APOL5: variants seen among roughly 807,000 people sequenced by gnomAD.
The protein encoded by APOL5 is apolipoprotein L, 5.
APOL5 carries 29 observed loss-of-function variants against 35.5 expected under a neutral mutation model. That is an observed-to-expected ratio of 0.82 (90% CI 0.61 to 1.11). The LOEUF (loss-of-function observed/expected upper bound fraction) is 1.11. Ranked by LOEUF, APOL5 falls within the 50% of genes most tolerant of loss-of-function variation. The probability of loss-of-function intolerance (pLI) is 0.00; values close to 1 mark genes in which losing one functional copy is unlikely to be tolerated. For missense variants in APOL5, 514 were observed against 530.4 expected (o/e 0.97, Z 0.30); for synonymous variants, 188 against 200.2 (o/e 0.94, Z 0.51).
the APOL5 span, among the ~76,000 whole-genome samples, chr22:35,712,513 T>C: frequency 6.6e-6 from 1 of 152,208 alleles, no homozygotes; most frequent in Non-Finnish European, 1.5e-5. Context: ...CCACCGTACC[T>C]AACCTCGTTG....
chr22:35,723,403 A>T (rs1382886384), intron 2 of APOL5, among the ~76,000 whole-genome samples: 2 of 152,328 alleles, frequency 1.3e-5, no homozygotes, highest in Non-Finnish European at 2.9e-5. Context: ...CCATAAGAAA[A>T]TGGTACTTAA....
chr22:35,714,653 G>C (rs1199790583), upstream of APOL5, among the ~76,000 whole-genome samples: 1 of 152,236 alleles, frequency 6.6e-6, no homozygotes, highest in African/African-American at 2.4e-5. Context: ...TCTAAAACCA[G>C]ACTCCAAGTT....
the APOL5 span, among the ~76,000 whole-genome samples, chr22:35,708,742 A>G: frequency 6.6e-6 from 1 of 152,138 alleles, no homozygotes; most frequent in Non-Finnish European, 1.5e-5. Flanking sequence ...GAGTAGTTAT[A>G]TATTTATAGG....
At chr22:35,711,766 C>A in the APOL5 span, among the ~76,000 whole-genome samples, 1 of 151,666 alleles carries the variant, frequency 6.6e-6, no homozygotes, top group Non-Finnish European at 1.5e-5. Flanking sequence ...ACCTTTGTCT[C>A]CCAGGTTCAG....
intron 1 of APOL5, among the ~76,000 whole-genome samples, chr22:35,719,186 T>C (rs1468224010): frequency 1.3e-5 from 2 of 152,220 alleles, no homozygotes; most frequent in African/African-American, 2.4e-5. Flanking sequence ...AATAGTTATG[T>C]TGCAGGAGAA....
chr22:35,726,970 T>G lies in APOL5; in HGVS notation c.902T>G (p.Phe301Cys), dbSNP rs1009531211. 1 of 1,614,146 alleles carries G rather than the reference T, an allele frequency of 6.2e-7. No homozygotes were observed. Among genetic ancestry groups the G allele is most frequent in the Non-Finnish European group, 8.5e-7 (1 of 1,180,020 alleles). The change falls in exon 3 of 5, where the codon TTC becomes TGC. Residue 301 changes from phenylalanine (F) to cysteine (C), a missense_variant. Transcript: ENST00000249044. ...AWVMGAAGAG[F>C]LLMKDMSSFL... is the part of the protein sequence containing the mutation. The stretch of plus-strand genomic sequence containing the variant: ...GTGATGGGTGCTGCTGGGGCTGGCT[T>G]CTTACTTATGAAAGACATGAGCAGC...
upstream of APOL5, among the ~76,000 whole-genome samples, chr22:35,715,257 C>T (rs35466188): frequency 0.27 from 40,815 of 152,054 alleles, 5,956 homozygotes; most frequent in Non-Finnish European, 0.34. Context: ...CCCTTCTTGC[C>T]TCCTCCCCAA....
At chr22:35,728,553 A>C (rs1419716669) in intron 3 of APOL5, among the ~76,000 whole-genome samples, 170 bp from the exon 4 acceptor site, 1 of 152,204 alleles carries the variant, frequency 6.6e-6, no homozygotes, top group African/African-American at 2.4e-5. Flanking sequence ...ATCTCCAGGT[A>C]ATTCTGCGGT....
chr22:35,720,894 C>T (rs529854100), intron 2 of APOL5, among the ~76,000 whole-genome samples: 23 of 152,160 alleles, frequency 1.5e-4, no homozygotes, highest in African/African-American at 4.8e-4. Context: ...TACAGGCGCC[C>T]GCCACCACGC....
chr22:35,727,141 GT>G lies in APOL5; in HGVS notation c.1075del (p.Ser359ProfsTer40). On this transcript the variant is annotated frameshift_variant, in exon 3 of 5. Coordinates refer to ENST00000249044, the MANE Select transcript of APOL5 (RefSeq NM_030642.1). LOFTEE classifies it high-confidence loss of function. The part of the protein sequence containing the change: ...RHLPQKASQT[C>X]SSSRGRAVRG... ...CTGCCGCAGAAGGCGAGCCAGACCT[GT>G]TCCAGCTCCCGGGGCAGGGCTGTTC... is the stretch of plus-strand genomic sequence containing the variant. The G allele has an allele frequency of 6.2e-7, 1 of 1,609,104 alleles. No homozygotes were observed. Among genetic ancestry groups the G allele is most frequent in the African/African-American group, 1.3e-5 (1 of 75,018 alleles).
At position 35,722,394 on chromosome 22, in the gene APOL5, C is replaced by G. The variant is rs1569152119; in HGVS notation, c.142+1740C>G. Among the ~76,000 whole-genome samples the G allele has an allele frequency of 2.0e-5, 3 of 152,160 alleles. No individual in the cohort carries two copies. In the South Asian group the frequency reaches 6.2e-4, roughly 32 times the overall value. Reference sequence around the variant, plus strand: ...CTCGGCTCACTGCAACCTCTGCCTCCCAGGTTCACGTGATTCTCCTGCCTC... The same window carrying G: ...CTCGGCTCACTGCAACCTCTGCCTCGCAGGTTCACGTGATTCTCCTGCCTC... On this transcript the variant is annotated intron_variant, in intron 2 of 4. Transcript: ENST00000249044.
chr22:35,722,768 G>A (rs1384984357), intron 2 of APOL5, among the ~76,000 whole-genome samples: 1 of 151,918 alleles, frequency 6.6e-6, no homozygotes, highest in Non-Finnish European at 1.5e-5. Context: ...CACCCACTAG[G>A]TCACAGCAGC....
Position 35,726,569 on chromosome 22 carries a change from C to A in APOL5, c.501C>A (p.Leu167=). 6.2e-7 allele frequency: 1 copy of A among 1,614,178 alleles called. No individual in the cohort carries two copies. Among genetic ancestry groups the A allele is most frequent in the Non-Finnish European group, 8.5e-7 (1 of 1,180,030 alleles). The part of the protein sequence containing the change: ...ALAPVTAGGS[L]MLSATGTGLG... ...CACCTGTGACAGCAGGAGGCAGTCT[C>A]ATGCTCTCAGCAACTGGGACAGGGT... is the stretch of plus-strand genomic sequence containing the variant. The change falls in exon 3 of 5, where the codon CTC becomes CTA. Residue 167 remains leucine (L), a synonymous_variant. Coordinates refer to ENST00000249044, the MANE Select transcript of APOL5 (RefSeq NM_030642.1).
At chr22:35,719,524 G>T (rs1008674335) in intron 1 of APOL5, among the ~76,000 whole-genome samples, 19 of 152,212 alleles carry the variant, frequency 1.2e-4, no homozygotes, top group Admixed American at 5.2e-4. Flanking sequence ...GGCCCCGATT[G>T]TCTTGGTGCC....
In APOL5 at chr22:35,720,735, AATGAGT is replaced by A. The variant is rs982408926; in HGVS notation, c.142+84_142+89del. On this transcript the variant is annotated intron_variant, in intron 2 of 4. Coordinates refer to ENST00000249044, the MANE Select transcript of APOL5 (RefSeq NM_030642.1). ...AGTGTCTGTCACAGACCCAGCACTC[AATGAGT>A]ATTTGGGTTTTGTTTTGTTTTGAGA... is the stretch of plus-strand genomic sequence containing the variant. 4 of 1,028,890 alleles carry A rather than the reference AATGAGT, an allele frequency of 3.9e-6. No homozygotes were observed. In the African/African-American group the frequency reaches 6.5e-5, roughly 17 times the overall value. The allele number at this position is 1,028,890 out of a possible 1,614,324, so 63.7% of individuals were successfully genotyped here. A position where few individuals can be genotyped will look rare whatever the true frequency, so the allele number is the denominator to read the frequency against.
chr22:35,719,097 G>A (rs1175716896), intron 1 of APOL5, among the ~76,000 whole-genome samples: 1 of 151,710 alleles, frequency 6.6e-6, no homozygotes. Flanking sequence ...AATAAAAACA[G>A]GACACACCAT....
At chr22:35,708,563 A>G in the APOL5 span, among the ~76,000 whole-genome samples, 3 of 152,232 alleles carry the variant, frequency 2.0e-5, no homozygotes, top group East Asian at 5.8e-4. Context: ...CTGGTTTGTC[A>G]AGAACCTTCA....
chr22:35,716,994 T>TGTTGTGTTGTGTTGTGCC (rs142010373), upstream of APOL5, among the ~76,000 whole-genome samples: 1 of 56,556 alleles, frequency 1.8e-5, no homozygotes, highest in Non-Finnish European at 3.4e-5. Context: ...CACGTTTGTC[T>TGTTGTGTTGTGTTGTGCC]GTTGTGTTGT....
chr22:35,728,874 G>A lies in APOL5; in HGVS notation c.1278G>A (p.Gln426=). Residue 426 remains glutamine (Q), a synonymous_variant, in exon 4 of 5, where the codon CAG becomes CAA. Transcript: ENST00000249044. ...CAGCACCAGCAAGAAAGGGGAGACA[G>A]GCCCCGGGAAGACACCGACAATGAG... The part of the protein sequence containing the change: ...APPAPARKGR[Q]APGRHRQ The A allele has an allele frequency of 1.2e-6, 2 of 1,607,990 alleles. No homozygotes were observed. Among genetic ancestry groups the A allele is most frequent in the Non-Finnish European group, 1.7e-6 (2 of 1,177,448 alleles).
Sources: allele counts gnomAD v4.1 joint callset (sites outside exome capture counted in the v4.1 genomes callset), GRCh38; gene constraint gnomAD v4.1.1; transcripts MANE v1.5; gene names NCBI Gene and HGNC (gene_info 2026-07-23, HGNC 2026-07-21).